Variants in STARD13 observed in about 807,000 individuals in gnomAD.
STARD13 encodes the protein stAR-related lipid transfer protein 13.
A neutral mutation model predicts 106.4 loss-of-function variants in STARD13; 62 were observed. The observed-to-expected ratio is 0.58, with a 90% CI of 0.48 to 0.72. The LOEUF (loss-of-function observed/expected upper bound fraction) is 0.72, where lower values mean the gene tolerates loss of function less well. Among genes scored for constraint, STARD13 ranks in the 30% least tolerant of loss-of-function variants. The probability of loss-of-function intolerance (pLI) is 0.00; values close to 1 mark genes in which losing one functional copy is unlikely to be tolerated. For missense variants in STARD13, 1,387 were observed against 1,424.0 expected, an observed-to-expected ratio of 0.97 and a Z score of 0.42; for synonymous variants, 565 against 553.0, an observed-to-expected ratio of 1.02 and a Z score of -0.31.
At chr13:33,289,410 T>C (rs967507009), upstream of STARD13, among the ~76,000 whole-genome samples, 12 of 152,178 alleles carry the variant, frequency 7.9e-5, no homozygotes, top group African/African-American at 2.9e-4. Flanking sequence ...CTTCACATTT[T>C]AGGTTTTTTA....
the STARD13 span, among the ~76,000 whole-genome samples, chr13:33,670,429 A>T: frequency 6.6e-6 from 1 of 152,348 alleles, no homozygotes; most frequent in East Asian, 1.9e-4. Context: ...TATGGAATTT[A>T]CTATCAACTA....
chr13:33,503,398 C>T, the STARD13 span, among the ~76,000 whole-genome samples: 1 of 152,104 alleles, frequency 6.6e-6, no homozygotes, highest in Non-Finnish European at 1.5e-5. Flanking sequence ...CTGTTCTGAT[C>T]TTAGTTATTT....
At chr13:33,170,012 T>G (rs1032296401) in intron 1 of STARD13, among the ~76,000 whole-genome samples, 3 of 150,758 alleles carry the variant, frequency 2.0e-5, no homozygotes, top group Non-Finnish European at 4.4e-5. Context: ...AGGAGGGTAG[T>G]GGGGGCTGGA....
At chr13:33,562,567 T>C in the STARD13 span, among the ~76,000 whole-genome samples, 1 of 146,792 alleles carries the variant, frequency 6.8e-6, no homozygotes, top group Non-Finnish European at 1.5e-5. Context: ...AAATAAATAA[T>C]GTACATACCA....
chr13:33,574,216 G>C, the STARD13 span, among the ~76,000 whole-genome samples: 15,442 of 152,142 alleles, frequency 0.1, 849 homozygotes, highest in Admixed American at 0.16. Context: ...TACATCTTCA[G>C]TAGTAAATGT....
At chr13:33,241,533 A>G (rs1292672855) in intron 1 of STARD13, among the ~76,000 whole-genome samples, 1 of 151,086 alleles carries the variant, frequency 6.6e-6, no homozygotes, top group Non-Finnish European at 1.5e-5. Context: ...ATTAAAAAGT[A>G]TGCCCCTCCC....
At chr13:33,359,300 C>G in the STARD13 span, among the ~76,000 whole-genome samples, 1 of 152,040 alleles carries the variant, frequency 6.6e-6, no homozygotes, top group African/African-American at 2.4e-5. Flanking sequence ...ACGAACAACT[C>G]CAGACGCGCT....
chr13:33,602,781 T>C, the STARD13 span, among the ~76,000 whole-genome samples: 17 of 152,330 alleles, frequency 1.1e-4, no homozygotes, highest in African/African-American at 3.6e-4. Context: ...ATGAACCCTG[T>C]TGTGAACTGT....
At chr13:33,376,993 T>C in the STARD13 span, among the ~76,000 whole-genome samples, 4 of 152,132 alleles carry the variant, frequency 2.6e-5, no homozygotes, top group African/African-American at 7.2e-5. Context: ...TACTTGGGGG[T>C]TGGTCAATAA....
chr13:33,367,359 T>A, the STARD13 span, among the ~76,000 whole-genome samples: 1 of 152,056 alleles, frequency 6.6e-6, no homozygotes, highest in Non-Finnish European at 1.5e-5. Context: ...CTGCAGACAG[T>A]TCTCTGCCTT....
At chr13:33,264,141 C>T (rs534607789) in intron 1 of STARD13, among the ~76,000 whole-genome samples, 3 of 152,330 alleles carry the variant, frequency 2.0e-5, no homozygotes, top group Non-Finnish European at 4.4e-5. Context: ...ATGCAAGTGC[C>T]CAAGGCTTCG....
chr13:33,506,937 C>T, the STARD13 span, among the ~76,000 whole-genome samples: 5 of 152,118 alleles, frequency 3.3e-5, no homozygotes, highest in East Asian at 7.7e-4. Context: ...CATAGTGAGA[C>T]CCTGTCTCTA....
chr13:33,642,454 C>T, the STARD13 span, among the ~76,000 whole-genome samples: 1 of 152,228 alleles, frequency 6.6e-6, no homozygotes, highest in East Asian at 1.9e-4. Context: ...CACAGGACGG[C>T]TGTGGGTCTG....
the STARD13 span, among the ~76,000 whole-genome samples, chr13:33,551,482 A>G: frequency 6.6e-5 from 10 of 150,940 alleles, no homozygotes. Context: ...TAAATACTCC[A>G]ACCAAAAGGC....
intron 1 of STARD13, among the ~76,000 whole-genome samples, chr13:33,269,491 C>T (rs1417547625): frequency 6.6e-6 from 1 of 152,184 alleles, no homozygotes; most frequent in Non-Finnish European, 1.5e-5. Flanking sequence ...ACAATAAGTA[C>T]TTGGAAGCCT....
At chr13:33,345,758 A>G (rs954351839), downstream of STARD13, among the ~76,000 whole-genome samples, 2 of 152,144 alleles carry the variant, frequency 1.3e-5, no homozygotes, top group Non-Finnish European at 2.9e-5. Flanking sequence ...ATATATTTGA[A>G]CATCATTCAT....
intron 1 of STARD13, among the ~76,000 whole-genome samples, chr13:33,224,230 A>G (rs566531162): frequency 2.9e-4 from 44 of 152,328 alleles, no homozygotes; most frequent in Non-Finnish European, 1.5e-5. Context: ...TAGCCATAGG[A>G]TGGAGATAAT....
the STARD13 span, chr13:33,519,880 A>G: frequency 5.3e-5 from 8 of 152,184 alleles, no homozygotes; most frequent in African/African-American, 1.9e-4. Context: ...TTGAAGGTCT[A>G]CACAGAGAAG....
At chr13:33,152,376 T>C (rs929735875) in intron 3 of STARD13, among the ~76,000 whole-genome samples, 10 of 150,614 alleles carry the variant, frequency 6.6e-5, no homozygotes, top group African/African-American at 7.4e-5. Context: ...GCTACTACTT[T>C]GCTGACACTA....
Sources: gnomAD v4.1 joint callset for allele counts (sites outside exome capture counted in the v4.1 genomes callset) on GRCh38, gnomAD v4.1.1 for gene constraint, MANE v1.5 for transcripts, NCBI Gene and HGNC (gene_info 2026-07-23, HGNC 2026-07-21) for gene names.